Variants in MAMDC2 observed in about 807,000 individuals in gnomAD.
MAMDC2 encodes MAM domain containing 2.
In MAMDC2, 57 loss-of-function variants were observed where a neutral mutation model predicts 89.8. The ratio of observed to expected loss-of-function variants is 0.63; its 90% CI spans 0.51 to 0.79. The LOEUF is 0.79. Among genes scored for constraint, MAMDC2 ranks in the 30% least tolerant of loss-of-function variants. The probability of loss-of-function intolerance (pLI) is 0.00; values close to 1 mark genes in which losing one functional copy is unlikely to be tolerated. For synonymous variants in MAMDC2, 313 were observed against 293.4 expected (o/e 1.07, Z -0.68); for missense variants, 800 against 820.6 (o/e 0.97, Z 0.31).
At chr9:70,190,336 A>T (rs943474205) in intron 11 of MAMDC2, among the ~76,000 whole-genome samples, 3 of 152,206 alleles carry the variant, frequency 2.0e-5, no homozygotes, top group Admixed American at 6.5e-5. Flanking sequence ...TTTGTTGTGT[A>T]TGGCTCTGCT....
At chr9:70,048,065 A>G (rs1241942135) in intron 2 of MAMDC2, among the ~76,000 whole-genome samples, 6 of 152,248 alleles carry the variant, frequency 3.9e-5, no homozygotes, top group African/African-American at 1.4e-4. Context: ...TGCACCATAC[A>G]GGGCATCGGG....
intron 11 of MAMDC2, among the ~76,000 whole-genome samples, chr9:70,209,094 T>C (rs180989508): frequency 0.1 from 15,866 of 152,218 alleles, 1,643 homozygotes; most frequent in African/African-American, 0.27. Flanking sequence ...AAAATTTGCT[T>C]TTTTGTTGCG....
At chr9:70,112,158 G>A (rs181680371) in intron 4 of MAMDC2, among the ~76,000 whole-genome samples, 29 of 152,290 alleles carry the variant, frequency 1.9e-4, no homozygotes, top group South Asian at 2.1e-4. Flanking sequence ...TCCGCAGGGG[G>A]CCAGTGGCCA....
chr9:70,200,109 G>C (rs2033068574), intron 11 of MAMDC2, among the ~76,000 whole-genome samples: 1 of 151,836 alleles, frequency 6.6e-6, no homozygotes, highest in Admixed American at 6.6e-5. Context: ...TGGTGTTTTG[G>C]ACATGAAGTC....
intron 11 of MAMDC2, among the ~76,000 whole-genome samples, chr9:70,189,746 C>T (rs2032839109): frequency 6.6e-6 from 1 of 151,282 alleles, no homozygotes; most frequent in African/African-American, 2.4e-5. Flanking sequence ...GTGTGTCTCA[C>T]AGGTCTCTGA....
At chr9:70,048,828 C>G (rs1826821569) in intron 2 of MAMDC2, among the ~76,000 whole-genome samples, 1 of 152,126 alleles carries the variant, frequency 6.6e-6, no homozygotes, top group Admixed American at 6.5e-5. Context: ...AGGCACAATT[C>G]AAAAGAATCA....
At chr9:70,202,215 A>G (rs1365154960) in intron 11 of MAMDC2, among the ~76,000 whole-genome samples, 1 of 147,246 alleles carries the variant, frequency 6.8e-6, no homozygotes, top group Non-Finnish European at 1.5e-5. Context: ...CCCTCTACAC[A>G]CTGCTTTGAA....
intron 9 of MAMDC2, among the ~76,000 whole-genome samples, chr9:70,166,856 A>G (rs1446847825): frequency 6.6e-6 from 1 of 152,196 alleles, no homozygotes; most frequent in Non-Finnish European, 1.5e-5. Flanking sequence ...TGTGAAAAAT[A>G]GACTTTAAAG....
intron 11 of MAMDC2, among the ~76,000 whole-genome samples, chr9:70,204,059 C>G (rs1178154436): frequency 6.6e-6 from 1 of 151,774 alleles, no homozygotes; most frequent in Non-Finnish European, 1.5e-5. Context: ...CTCAGCTCGT[C>G]AAAGTCATTC....
chr9:70,221,402 G>GAGAGAGAAAGAGAGAA (rs1564005263), intron 12 of MAMDC2, among the ~76,000 whole-genome samples: 2 of 104,588 alleles, frequency 1.9e-5, no homozygotes, highest in African/African-American at 7.4e-5. Flanking sequence ...GAGAGAGAGA[G>GAGAGAGAAAGAGAGAA]AGAGAGTAAC....
At chr9:70,222,901 G>A (rs1235727231) in intron 12 of MAMDC2, among the ~76,000 whole-genome samples, 4 of 152,122 alleles carry the variant, frequency 2.6e-5, no homozygotes, top group African/African-American at 9.7e-5. Context: ...CACTTTGGGA[G>A]GCTGAAGTAG....
At chr9:70,068,781 G>A (rs1373609235) in intron 2 of MAMDC2, among the ~76,000 whole-genome samples, 3 of 149,170 alleles carry the variant, frequency 2.0e-5, no homozygotes, top group African/African-American at 7.4e-5. Context: ...CTAAATTCCA[G>A]GACAAATGTG....
intron 12 of MAMDC2, among the ~76,000 whole-genome samples, chr9:70,224,145 T>A (rs1436845618): frequency 6.6e-6 from 1 of 152,164 alleles, no homozygotes; most frequent in Non-Finnish European, 1.5e-5. Context: ...ATTTTTTCCC[T>A]CTTCTTGCCA....
At chr9:70,136,956 C>T (rs1465247521) in intron 7 of MAMDC2, among the ~76,000 whole-genome samples, 1 of 152,108 alleles carries the variant, frequency 6.6e-6, no homozygotes, top group Non-Finnish European at 1.5e-5. Flanking sequence ...ATCAGGCAGA[C>T]CAGGGTGTGG....
At chr9:70,219,238 G>T (rs557089140) in intron 12 of MAMDC2, among the ~76,000 whole-genome samples, 33 of 152,344 alleles carry the variant, frequency 2.2e-4, no homozygotes, top group African/African-American at 7.0e-4. Context: ...TGAACAGCCA[G>T]TCTAGCCTGG....
chr9:70,216,560 G>C (rs576767750), intron 11 of MAMDC2: 11 of 152,294 alleles, frequency 7.2e-5, no homozygotes, highest in African/African-American at 2.6e-4. Context: ...TATCACACAA[G>C]GGGTAGGGCT....
At chr9:70,054,591 G>GT (rs1826985619) in intron 2 of MAMDC2, among the ~76,000 whole-genome samples, 5 of 150,244 alleles carry the variant, frequency 3.3e-5, no homozygotes, top group Non-Finnish European at 5.9e-5. Flanking sequence ...TTTTTTTTTC[G>GT]TTTTGTTTTG....
chr9:70,113,900 C>T (rs905626640), intron 5 of MAMDC2: 1 of 152,146 alleles, frequency 6.6e-6, no homozygotes, highest in East Asian at 1.9e-4. Context: ...TATTCTGTTG[C>T]AAACAGTTAA....
chr9:70,066,191 G>A (rs999345750), intron 2 of MAMDC2, among the ~76,000 whole-genome samples: 1 of 152,178 alleles, frequency 6.6e-6, no homozygotes, highest in Non-Finnish European at 1.5e-5. Context: ...CCAAGGGAAT[G>A]GGGCAGCCAG....
Sources: gnomAD v4.1 joint callset for allele counts (sites outside exome capture counted in the v4.1 genomes callset) on GRCh38, gnomAD v4.1.1 for gene constraint, MANE v1.5 for transcripts, NCBI Gene and HGNC (gene_info 2026-07-23, HGNC 2026-07-21) for gene names.